Variants in MAGI2 observed in about 807,000 individuals in gnomAD.
The protein encoded by MAGI2 is membrane-associated guanylate kinase, WW and PDZ domain-containing protein 2.
MAGI2 carries 35 observed loss-of-function variants against 133.3 expected under a neutral mutation model. That is an observed-to-expected ratio of 0.26 (90% CI 0.20 to 0.35). MAGI2 has a LOEUF of 0.35. Ranked by LOEUF, MAGI2 falls within the 10% of genes least tolerant of loss-of-function variation. The pLI, the probability that MAGI2 is intolerant of heterozygous loss-of-function variation, is 1.00. For synonymous variants in MAGI2, 729 were observed against 710.6 expected (o/e 1.03, Z -0.41); for missense variants, 1,636 against 1,863.4 (o/e 0.88, Z 2.25).
intron 2 of MAGI2, among the ~76,000 whole-genome samples, chr7:78,705,457 A>G (rs779515567): frequency 6.6e-6 from 1 of 152,122 alleles, no homozygotes; most frequent in East Asian, 1.9e-4. Context: ...AGCAGTGTGA[A>G]AATTGACTAA....
intron 21 of MAGI2, among the ~76,000 whole-genome samples, chr7:78,050,594 G>A (rs1255733750): frequency 6.6e-6 from 1 of 152,216 alleles, no homozygotes; most frequent in East Asian, 1.9e-4. Context: ...TAGAGAGAAA[G>A]CAGGGGAATT....
intron 4 of MAGI2, among the ~76,000 whole-genome samples, 156 bp from the exon 5 acceptor site, chr7:78,501,943 T>A (rs1017341907): frequency 2.6e-5 from 4 of 152,206 alleles, no homozygotes; most frequent in Non-Finnish European, 5.9e-5. Context: ...ACTAGGCCTA[T>A]TTGAGCTCTC....
chr7:79,208,684 T>C lies in MAGI2; in HGVS notation c.302-201478A>G, dbSNP rs541743908. 4.6e-5 allele frequency among the ~76,000 whole-genome samples: 7 copies of C among 152,106 alleles called. No homozygotes were observed. In the East Asian group the frequency reaches 1.2e-3, roughly 25 times the overall value. ...TCCAGCAATCCAACCACTGGGTACA[T>C]ATCAAAAGGAAATGCAATCCGTATG... On this transcript the variant is annotated intron_variant, in intron 1 of 21. Coordinates refer to ENST00000354212, the MANE Select transcript of MAGI2 (RefSeq NM_012301.4).
intron 2 of MAGI2, among the ~76,000 whole-genome samples, chr7:78,655,466 A>AAC (rs1193114733): frequency 3.1e-4 from 47 of 150,420 alleles, no homozygotes; most frequent in African/African-American, 1.0e-3. Flanking sequence ...AAAAAAAAAA[A>AAC]AAAAAAAAAC....
intron 16 of MAGI2, among the ~76,000 whole-genome samples, chr7:78,136,043 A>C (rs915185453): frequency 3.3e-5 from 5 of 152,234 alleles, no homozygotes; most frequent in Admixed American, 6.5e-5. Context: ...AAAATATTAA[A>C]ATATAAAAAT....
chr7:78,224,020 T>A (rs1159149815), intron 10 of MAGI2, among the ~76,000 whole-genome samples: 1 of 152,150 alleles, frequency 6.6e-6, no homozygotes, highest in East Asian at 1.9e-4. Context: ...TGGACCAAAA[T>A]CATGTAAAGC....
intron 21 of MAGI2, among the ~76,000 whole-genome samples, chr7:78,041,232 T>TA (rs1810802232): frequency 1.3e-5 from 2 of 152,162 alleles, no homozygotes; most frequent in Non-Finnish European, 2.9e-5. Flanking sequence ...TTGGGATACT[T>TA]AGACAGCCAA....
intron 1 of MAGI2, among the ~76,000 whole-genome samples, chr7:79,213,224 A>G (rs59749951): frequency 0.014 from 1,240 of 89,804 alleles, 18 homozygotes; most frequent in African/African-American, 0.02. Context: ...GTATATATAT[A>G]TGTGTGTGTG....
rs550232857 is a variant in MAGI2 at position 79,122,647 on chromosome 7, A to G, written c.302-115441T>C. On this transcript the variant is annotated intron_variant, in intron 1 of 21. Coordinates refer to ENST00000354212, the MANE Select transcript of MAGI2 (RefSeq NM_012301.4). The stretch of plus-strand genomic sequence containing the variant: ...AAATTATTAAAGATTTTAATATATT[A>G]CTTTTTTTTTTTTTGAGATGGAGTT... 1.0e-3 allele frequency among the ~76,000 whole-genome samples: 155 copies of G among 151,850 alleles called. 1 individual carries two copies. Among genetic ancestry groups the G allele is most frequent in the Non-Finnish European group, 1.7e-3 (115 of 67,898 alleles).
chr7:78,501,543 T>C (rs1194859571), intron 5 of MAGI2, 34 bp downstream of exon 5: 1 of 1,587,008 alleles, frequency 6.3e-7, no homozygotes, highest in Admixed American at 1.7e-5. Context: ...CTATGACCTT[T>C]TTGGCACTGT....
intron 5 of MAGI2, among the ~76,000 whole-genome samples, chr7:78,494,034 T>C (rs1444234650): frequency 6.6e-6 from 1 of 152,068 alleles, no homozygotes; most frequent in African/African-American, 2.4e-5. Context: ...AGGAGTGCAA[T>C]GGCATGATCT....
chr7:79,044,729 G>T (rs1306890908), intron 1 of MAGI2, among the ~76,000 whole-genome samples: 2 of 152,120 alleles, frequency 1.3e-5, no homozygotes, highest in Non-Finnish European at 2.9e-5. Context: ...CAAATTTCAG[G>T]ATACAAAATC....
intron 1 of MAGI2, among the ~76,000 whole-genome samples, chr7:79,134,454 C>A (rs1349919367): frequency 6.6e-6 from 1 of 152,114 alleles, no homozygotes. Context: ...TTGCTGACCC[C>A]TCCCACTTAG....
At chr7:78,287,927 T>A (rs1796312752) in intron 9 of MAGI2, among the ~76,000 whole-genome samples, 1 of 152,222 alleles carries the variant, frequency 6.6e-6, no homozygotes, top group Non-Finnish European at 1.5e-5. Flanking sequence ...GATTTGAGAC[T>A]AGTTGTGTCA....
chr7:79,144,621 C>A (rs1447857731), intron 1 of MAGI2, among the ~76,000 whole-genome samples: 3 of 152,156 alleles, frequency 2.0e-5, no homozygotes, highest in Admixed American at 1.3e-4. Context: ...CAAGAATGGA[C>A]TAATATAAGC....
intron 2 of MAGI2, among the ~76,000 whole-genome samples, chr7:78,698,936 A>G (rs546686819): frequency 4.7e-4 from 72 of 152,344 alleles, no homozygotes; most frequent in African/African-American, 1.7e-3. Flanking sequence ...TTGGGTGGGA[A>G]CACAGCCAAA....
chr7:79,303,305 A>C (rs1837524137), intron 1 of MAGI2, among the ~76,000 whole-genome samples: 1 of 151,688 alleles, frequency 6.6e-6, no homozygotes, highest in African/African-American at 2.4e-5. Flanking sequence ...ATTGAAATAA[A>C]AAAAAACTTT....
intron 1 of MAGI2, among the ~76,000 whole-genome samples, chr7:79,368,415 A>G (rs1453928033): frequency 6.6e-6 from 1 of 152,142 alleles, no homozygotes; most frequent in Admixed American, 6.5e-5. Flanking sequence ...CTTCAGATCA[A>G]TCAAGTCCTT....
intron 9 of MAGI2, among the ~76,000 whole-genome samples, chr7:78,316,467 T>G (rs1010323619): frequency 1.3e-5 from 2 of 152,208 alleles, no homozygotes; most frequent in African/African-American, 2.4e-5. Flanking sequence ...TCAGAAAAGA[T>G]GCTTTACTTA....
Sources: allele counts gnomAD v4.1 joint callset (sites outside exome capture counted in the v4.1 genomes callset), GRCh38; gene constraint gnomAD v4.1.1; transcripts MANE v1.5; gene names NCBI Gene and HGNC (gene_info 2026-07-23, HGNC 2026-07-21).